MYOM3: variants seen among roughly 807,000 people sequenced by gnomAD.
The protein encoded by MYOM3 is myomesin-3.
A neutral mutation model predicts 191.7 loss-of-function variants in MYOM3; 155 were observed. The ratio of observed to expected loss-of-function variants is 0.81; its 90% CI spans 0.71 to 0.92. The LOEUF is 0.92. MYOM3 is among the 40% of genes least tolerant of loss of function. MYOM3 has a pLI of 0.00. For synonymous variants in MYOM3, 757 were observed against 762.9 expected (o/e 0.99, Z 0.13); for missense variants, 1,889 against 1,890.6 (o/e 1.00, Z 0.02).
At chr1:24,072,324 A>G (rs1643542195) in intron 23 of MYOM3, among the ~76,000 whole-genome samples, 1 of 151,920 alleles carries the variant, frequency 6.6e-6, no homozygotes, top group South Asian at 2.1e-4. Context: ...TTCTGCATAT[A>G]CTTCATTAGT....
chr1:24,067,299 T>TC (rs1207865758), intron 27 of MYOM3, among the ~76,000 whole-genome samples: 16 of 130,204 alleles, frequency 1.2e-4, no homozygotes, highest in African/African-American at 4.3e-4. Flanking sequence ...TTTCTTTCTT[T>TC]CTTTCCTTCT....
rs1644040517 is a variant in MYOM3, at chr1:24,111,859, G to C, written c.-19+172C>G. Among the ~76,000 whole-genome samples the C allele has an allele frequency of 1.3e-5, 2 of 151,660 alleles. No homozygotes were observed. The highest frequency in any genetic ancestry group is 4.2e-4 in the South Asian group (2 of 4,812). ...CTGGAATCCCCTCCCATTTTCACTT[G>C]GGTGCTGCCTCAGCACAAATTTCCC... On this transcript the variant is annotated intron_variant, in intron 1 of 36. Coordinates refer to ENST00000374434, the MANE Select transcript of MYOM3 (RefSeq NM_152372.4). The surrounding 1 kb of genome is among the most constrained non-coding windows in gnomAD (Gnocchi z 4.7).
Position 24,063,234 on chromosome 1 carries a change from G to T in MYOM3, c.3662C>A (p.Ala1221Asp). 6 of 1,612,522 alleles carry T rather than the reference G, an allele frequency of 3.7e-6. No homozygotes were observed. The highest frequency in any genetic ancestry group is 4.2e-6 in the Non-Finnish European group (5 of 1,178,562). The change falls in exon 32 of 37, where the codon GCC becomes GAC. Residue 1221 changes from alanine to aspartate, a missense_variant and splice_region_variant. Coordinates refer to ENST00000374434, the MANE Select transcript of MYOM3 (RefSeq NM_152372.4). This position sits in a 1 kb window ranked among gnomAD's most constrained non-coding sequence, Gnocchi z 4.5. ...AIFTELGRIGALSATPLKIQG... is the reference protein window; with the variant it reads ...AIFTELGRIGDLSATPLKIQG... The stretch of plus-strand genomic sequence containing the variant: ...GATTTTCAGTGGAGTTGCAGAGAGG[G>T]CTGGGGAGACAGAGGAGAAGGATGA...
chr1:24,063,346 A>G lies in MYOM3; in HGVS notation c.3662-112T>C. 1.5e-6 allele frequency: 2 copies of G among 1,360,486 alleles called. No homozygotes were observed. Among genetic ancestry groups the G allele is most frequent in the Non-Finnish European group, 2.1e-6 (2 of 952,762 alleles). 84.3% of individuals were successfully genotyped at this position (1,360,486 alleles called of 1,614,324 possible). A position where few individuals can be genotyped will look rare whatever the true frequency, so the allele number is the denominator to read the frequency against. On this transcript the variant is annotated intron_variant, in intron 31 of 36. Coordinates refer to ENST00000374434, the MANE Select transcript of MYOM3 (RefSeq NM_152372.4). This position sits in a 1 kb window ranked among gnomAD's most constrained non-coding sequence, Gnocchi z 4.5. The stretch of plus-strand genomic sequence containing the variant: ...GGGGCAGGTGCTGTGGGGGAAATGC[A>G]GTGCTGTGAAGAGGCGGGATTTTCT...
chr1:24,086,867 C>T (rs754171898), intron 14 of MYOM3, 40 bp from the exon 15 acceptor site: 1 of 1,593,008 alleles, frequency 6.3e-7, no homozygotes, highest in Admixed American at 1.7e-5. Flanking sequence ...AACTGGTCGC[C>T]CAGACCGGCT....
At chr1:24,085,272 G>A (rs1267198036) in intron 15 of MYOM3, among the ~76,000 whole-genome samples, 1 of 138,274 alleles carries the variant, frequency 7.2e-6, no homozygotes, top group African/African-American at 2.8e-5. Flanking sequence ...ATGCATGGAT[G>A]GATGGATAGA....
At position 24,099,723 on chromosome 1, in the gene MYOM3, G is replaced by A. The variant is rs766225125; in HGVS notation, c.613C>T (p.Arg205Ter). ...DPRLFRAGKY[R>*]ITNNYGLLSL... is the part of the protein sequence containing the mutation. ...AGCAGCCCGTAGTTGTTGGTGATTCGGTATTTTCCGGCACGAAAGAGGCGG... is the reference window on the plus strand; with the variant it reads ...AGCAGCCCGTAGTTGTTGGTGATTCAGTATTTTCCGGCACGAAAGAGGCGG... The change falls in exon 6 of 37, where the codon CGA becomes TGA. Residue 205 changes from arginine (R) to a stop codon, truncating the protein, a stop_gained. Coordinates refer to ENST00000374434, the MANE Select transcript of MYOM3 (RefSeq NM_152372.4). LOFTEE classifies it high-confidence loss of function. 10 of 1,613,938 alleles carry A rather than the reference G, an allele frequency of 6.2e-6. No individual in the cohort carries two copies. In the Admixed American group the frequency reaches 6.7e-5, roughly 11 times the overall value.
intron 1 of MYOM3, among the ~76,000 whole-genome samples, chr1:24,109,911 C>T (rs1644024782): frequency 6.6e-6 from 1 of 152,266 alleles, no homozygotes; most frequent in Admixed American, 6.5e-5. Context: ...ATGTACACAT[C>T]TCCTTTGCAT....
At chr1:24,088,357 T>C (rs975765860) in intron 14 of MYOM3, among the ~76,000 whole-genome samples, 1 of 152,158 alleles carries the variant, frequency 6.6e-6, no homozygotes, top group African/African-American at 2.4e-5. Flanking sequence ...CCATTCTAAG[T>C]CTTTATGTGC....
chr1:24,094,768 G>T (rs1372240104), intron 9 of MYOM3, 85 bp downstream of exon 9: 3 of 1,366,592 alleles, frequency 2.2e-6, no homozygotes, highest in Non-Finnish European at 3.0e-6. Context: ...GAGAGTCTCT[G>T]TCCGCTAGGG....
At chr1:24,064,780 C>T (rs1643414247) in intron 29 of MYOM3, among the ~76,000 whole-genome samples, 1 of 152,200 alleles carries the variant, frequency 6.6e-6, no homozygotes, top group African/African-American at 2.4e-5. Flanking sequence ...GGACCATCTC[C>T]ACACAGTGGG....
At chr1:24,095,516 G>A in intron 7 of MYOM3, 30 bp from the exon 8 acceptor site, 2 of 1,605,266 alleles carry the variant, frequency 1.2e-6, no homozygotes, top group Non-Finnish European at 1.7e-6. Context: ...CAGAGTTGGA[G>A]AAGGTTCAGA....
At chr1:24,106,127 T>A (rs755612069) in intron 4 of MYOM3, 50 bp from the exon 5 acceptor site, 2 of 1,525,684 alleles carry the variant, frequency 1.3e-6, no homozygotes, top group Non-Finnish European at 1.8e-6. Flanking sequence ...ACCACCTCTC[T>A]GCCATCTTTG....
At chr1:24,089,804 G>T in intron 13 of MYOM3, 139 bp from the exon 14 acceptor site, 1 of 1,073,904 alleles carries the variant, frequency 9.3e-7, no homozygotes, top group Non-Finnish European at 1.3e-6. Context: ...AGGTCACTCA[G>T]CAATGCTGGG....
At chr1:24,064,814 G>A (rs1643414495) in intron 29 of MYOM3, among the ~76,000 whole-genome samples, 1 of 152,142 alleles carries the variant, frequency 6.6e-6, no homozygotes, top group Admixed American at 6.5e-5. Flanking sequence ...CCAAGACAGA[G>A]GCAGCTCTTA....
Position 24,090,932 on chromosome 1 carries a change from G to T in MYOM3, c.1297C>A (p.Pro433Thr), listed in dbSNP as rs1431513826. The change falls in exon 12 of 37, where the codon CCA becomes ACA. Residue 433 changes from proline (P) to threonine (T), a missense_variant. Transcript: ENST00000374434. ...TGACCTTCGACGAGGCCTTGGATTG[G>T]GCACCGACAAGTCCCTCCGGGGGCC... is the stretch of plus-strand genomic sequence containing the variant. ...HEAPGGTCRC[P>T]IQGLVEGQSY... The T allele has an allele frequency of 6.2e-7, 1 of 1,613,974 alleles. No homozygotes were observed. The highest frequency in any genetic ancestry group is 8.5e-7 in the Non-Finnish European group (1 of 1,180,012).
At chr1:24,074,079 G>A in intron 23 of MYOM3, 81 bp downstream of exon 23, 1 of 1,086,554 alleles carries the variant, frequency 9.2e-7, no homozygotes, top group East Asian at 2.4e-5. Context: ...CATTTTGGTT[G>A]CTTTTTGCTG....
At chr1:24,077,256 C>G (rs555956422) in intron 20 of MYOM3, among the ~76,000 whole-genome samples, 4 of 152,236 alleles carry the variant, frequency 2.6e-5, no homozygotes, top group Non-Finnish European at 5.9e-5. Flanking sequence ...CTCTTCTCCC[C>G]CAGTCTGTCT....
intron 35 of MYOM3, 67 bp downstream of exon 35, chr1:24,060,993 G>A (rs1199782400): frequency 6.3e-7 from 1 of 1,586,496 alleles, no homozygotes; most frequent in Non-Finnish European, 8.7e-7. Flanking sequence ...CCACCAAGAG[G>A]GTTGAGCTTC....
Sources: gnomAD v4.1 joint callset for allele counts (sites outside exome capture counted in the v4.1 genomes callset) on GRCh38, gnomAD v4.1.1 for gene constraint, Gnocchi (gnomAD v3.1) non-coding constraint, MANE v1.5 for transcripts, NCBI Gene and HGNC (gene_info 2026-07-23, HGNC 2026-07-21) for gene names.